Variants in ZNF395 observed in about 807,000 individuals in gnomAD.
The protein encoded by ZNF395 is HD gene regulatory region-binding protein 2.
In ZNF395, 20 loss-of-function variants were observed where a neutral mutation model predicts 57.7. The ratio of observed to expected loss-of-function variants is 0.35; its 90% CI spans 0.24 to 0.50. ZNF395 has a LOEUF of 0.50. Ranked by LOEUF, ZNF395 falls within the 20% of genes least tolerant of loss-of-function variation. The probability of loss-of-function intolerance (pLI) is 0.97; values close to 1 mark genes in which losing one functional copy is unlikely to be tolerated. For missense variants in ZNF395, 606 were observed against 671.2 expected (o/e 0.90, Z 1.07); for synonymous variants, 295 against 275.9 (o/e 1.07, Z -0.69).
Position 28,360,981 on chromosome 8 carries a change from G to A in ZNF395, c.144C>T (p.Thr48=). ...GCTCCTGGCAGGGGGTGTCATCAGA[G>A]GTGGTGAAAGGCTGGGGAGCGGCCC... ...LEGAAPQPFT[T]SDDTPCQEQP... The change falls in exon 2 of 10, where the codon ACC becomes ACT. Residue 48 remains threonine (T), a synonymous_variant. Transcript: ENST00000344423. The A allele has an allele frequency of 6.8e-6, 11 of 1,612,990 alleles. No homozygotes were observed. The highest frequency in any genetic ancestry group is 9.3e-6 in the Non-Finnish European group (11 of 1,179,436).
In ZNF395 at chr8:28,356,358, T is replaced by C. The variant is rs1801779072; in HGVS notation, c.583+312A>G. 6.6e-6 allele frequency among the ~76,000 whole-genome samples: 1 copy of C among 152,212 alleles called. No homozygotes were observed. Among genetic ancestry groups the C allele is most frequent in the African/African-American group, 2.4e-5 (1 of 41,432 alleles). On this transcript the variant is annotated intron_variant, in intron 4 of 9. Transcript: ENST00000344423. This position sits in a 1 kb window ranked among gnomAD's most constrained non-coding sequence, Gnocchi z 4.0. ...ACTAAATATTCCTCTATTGGCCTCA[T>C]TCAGACCCCACCAAAGTGCTGGGCT...
At position 28,359,500 on chromosome 8, in the gene ZNF395, A is replaced by G. The variant is rs1181015144; in HGVS notation, c.473+92T>C. On this transcript the variant is annotated intron_variant, in intron 3 of 9. Coordinates refer to ENST00000344423, the MANE Select transcript of ZNF395 (RefSeq NM_018660.3). This position sits in a 1 kb window ranked among gnomAD's most constrained non-coding sequence, Gnocchi z 4.7. ...ATCTTGGCACCCAGATGCCAATGACACCACATTTCTTCCCCACCACAACAC... is the reference window on the plus strand; with the variant it reads ...ATCTTGGCACCCAGATGCCAATGACGCCACATTTCTTCCCCACCACAACAC... The G allele has an allele frequency of 6.8e-7, 1 of 1,465,728 alleles. No homozygotes were observed. Among genetic ancestry groups the G allele is most frequent in the African/African-American group, 1.4e-5 (1 of 70,592 alleles). 90.8% of individuals were successfully genotyped at this position (1,465,728 alleles called of 1,614,324 possible).
intron 1 of ZNF395, among the ~76,000 whole-genome samples, chr8:28,371,807 G>T (rs1801979834): frequency 6.6e-6 from 1 of 152,190 alleles, no homozygotes; most frequent in South Asian, 2.1e-4. Context: ...CCAGCACTTT[G>T]GGAGGCCAAG....
chr8:28,376,027 G>A (rs189664099), intron 1 of ZNF395, among the ~76,000 whole-genome samples: 9 of 152,272 alleles, frequency 5.9e-5, no homozygotes, highest in Admixed American at 5.9e-4. Context: ...AGGCTGGAGT[G>A]AAGTGGCACC....
At chr8:28,377,360 C>G (rs559768440) in intron 1 of ZNF395, among the ~76,000 whole-genome samples, 1 of 152,116 alleles carries the variant, frequency 6.6e-6, no homozygotes, top group Admixed American at 6.5e-5. Context: ...ACCATGATTG[C>G]GCCACTGCAT....
chr8:28,382,258 T>G (rs1483250014), intron 1 of ZNF395, among the ~76,000 whole-genome samples: 1 of 152,112 alleles, frequency 6.6e-6, no homozygotes, highest in Non-Finnish European at 1.5e-5. Flanking sequence ...CAGAGATTTT[T>G]CTGTATTTTT....
In ZNF395 at chr8:28,359,629, A is replaced by T. The variant is rs368610063; in HGVS notation, c.436T>A (p.Tyr146Asn). ...PLEPGAQALA[Y>N]RPVSRNIDVP... ...TCGATGTTCCTGGAGACGGGCCTGT[A>T]GGCCAGGGCCTGGGCTCCGGGCTCC... The change falls in exon 3 of 10, where the codon TAC becomes AAC. Residue 146 changes from tyrosine to asparagine, a missense_variant. Coordinates refer to ENST00000344423, the MANE Select transcript of ZNF395 (RefSeq NM_018660.3). The surrounding 1 kb of genome is among the most constrained non-coding windows in gnomAD (Gnocchi z 4.7). The T allele has an allele frequency of 2.5e-6, 4 of 1,610,448 alleles. No individual in the cohort carries two copies. The highest frequency in any genetic ancestry group is 3.4e-6 in the Non-Finnish European group (4 of 1,177,556).
rs781409083 is a variant in ZNF395, at chr8:28,360,886, T to C, written c.239A>G (p.Lys80Arg). 1.2e-6 allele frequency: 2 copies of C among 1,613,620 alleles called. No homozygotes were observed. The highest frequency in any genetic ancestry group is 1.7e-6 in the Non-Finnish European group (2 of 1,179,902). ...LQQVAFQPGQKVYVWYGGQEC... is the reference protein window; with the variant it reads ...LQQVAFQPGQRVYVWYGGQEC... ...CTGTCCATGTTGGGATCAACCTACC[T>C]TCTGCCCAGGCTGAAAGGCCACCTG... The change falls in exon 2 of 10, where the codon AAG becomes AGG. Residue 80 changes from lysine (K) to arginine (R), a missense_variant and splice_region_variant. Physicochemically the swap from Lys to Arg is conservative, Grantham distance 26 (BLOSUM62 2). Around this residue, in one of 3 missense-constraint regions of ZNF395, gnomAD observed 309 missense variants for 374.7 expected, o/e 0.82. Transcript: ENST00000344423.
chr8:28,384,695 GT>G (rs1225069998), intron 1 of ZNF395, among the ~76,000 whole-genome samples: 1 of 152,082 alleles, frequency 6.6e-6, no homozygotes, highest in Non-Finnish European at 1.5e-5. Context: ...CTACGGGTGA[GT>G]TACTCTCCAC....
chr8:28,356,582 T>C lies in ZNF395; in HGVS notation c.583+88A>G. 1.1e-6 allele frequency: 1 copy of C among 923,836 alleles called. No homozygotes were observed. The highest frequency in any genetic ancestry group is 2.7e-5 in the East Asian group (1 of 37,114). 57.2% of individuals were successfully genotyped at this position (923,836 alleles called of 1,614,324 possible). ...CCTGGACATTCTATTGCCAGGCTGGTGACATAGGCAACTAGCTGCTCTGCA... is the reference window on the plus strand; with the variant it reads ...CCTGGACATTCTATTGCCAGGCTGGCGACATAGGCAACTAGCTGCTCTGCA... On this transcript the variant is annotated intron_variant, in intron 4 of 9. Transcript: ENST00000344423. This position sits in a 1 kb window ranked among gnomAD's most constrained non-coding sequence, Gnocchi z 4.0.
intron 1 of ZNF395, among the ~76,000 whole-genome samples, chr8:28,379,812 A>G (rs1452332658): frequency 6.6e-6 from 1 of 151,426 alleles, no homozygotes; most frequent in Non-Finnish European, 1.5e-5. Flanking sequence ...GAATACATAC[A>G]CAACTAGAAA....
At chr8:28,364,857 C>G (rs747806277) in intron 1 of ZNF395, among the ~76,000 whole-genome samples, 1 of 152,184 alleles carries the variant, frequency 6.6e-6, no homozygotes, top group Non-Finnish European at 1.5e-5. Context: ...CTCTTCTCCA[C>G]TTGGATCTTG....
At chr8:28,377,845 T>A (rs1414988093) in intron 1 of ZNF395, among the ~76,000 whole-genome samples, 1 of 149,056 alleles carries the variant, frequency 6.7e-6, no homozygotes, top group Non-Finnish European at 1.5e-5. Flanking sequence ...GCAACCTTTG[T>A]CTCCTGGGTT....
chr8:28,355,929 A>C (rs1048328434), intron 4 of ZNF395, among the ~76,000 whole-genome samples: 3 of 152,026 alleles, frequency 2.0e-5, no homozygotes, highest in Non-Finnish European at 4.4e-5. Flanking sequence ...TTTTCCTGTA[A>C]GTTTATAAGT....
Position 28,348,659 on chromosome 8 carries a change from C to A in ZNF395, c.*60G>T, listed in dbSNP as rs1052735073. Reference sequence around the variant, plus strand: ...GTTTCTGCTGAGGGCTGGTGACACACTGGCCTCTTGTCAGTGGCTGCCGGC... The same window carrying A: ...GTTTCTGCTGAGGGCTGGTGACACAATGGCCTCTTGTCAGTGGCTGCCGGC... On this transcript the variant is annotated 3_prime_UTR_variant, in exon 10 of 10. Transcript: ENST00000344423. The A allele has an allele frequency of 2.7e-6, 4 of 1,470,720 alleles. No homozygotes were observed. The highest frequency in any genetic ancestry group is 3.8e-6 in the Non-Finnish European group (4 of 1,049,742). 91.1% of individuals were successfully genotyped at this position (1,470,720 alleles called of 1,614,324 possible).
At position 28,356,217 on chromosome 8, in the gene ZNF395, C is replaced by T. The variant is rs770918016; in HGVS notation, c.583+453G>A. On this transcript the variant is annotated intron_variant, in intron 4 of 9. Transcript: ENST00000344423. The surrounding 1 kb of genome is among the most constrained non-coding windows in gnomAD (Gnocchi z 4.0). ...ACTTTAGAATTTAGCTCATTTATTC[C>T]GGGTCCTTGTCCCATAGGCCCACAC... Among the ~76,000 whole-genome samples, 10 of 152,142 alleles carry T rather than the reference C, an allele frequency of 6.6e-5. No individual in the cohort carries two copies. Among genetic ancestry groups the T allele is most frequent in the Non-Finnish European group, 1.2e-4 (8 of 68,028 alleles).
Position 28,353,329 on chromosome 8 carries a change from C to G in ZNF395, c.663G>C (p.Trp221Cys), listed in dbSNP as rs1426057925. ...DSGSSTTSGH[W>C]SGSSGVSTPS... ...GGGTGGAGACACCACTGCTCCCACTCCAGTGACCGCTGGTAGTGCTGCTGC... is the reference window on the plus strand; with the variant it reads ...GGGTGGAGACACCACTGCTCCCACTGCAGTGACCGCTGGTAGTGCTGCTGC... Residue 221 changes from tryptophan to cysteine, a missense_variant, in exon 5 of 10, where the codon TGG (tryptophan) becomes TGC (cysteine). This residue lies in a region of ZNF395 where 309 missense variants were observed against 374.7 expected (regional missense o/e 0.82). Coordinates refer to ENST00000344423, the MANE Select transcript of ZNF395 (RefSeq NM_018660.3). 1 of 1,606,662 alleles carries G rather than the reference C, an allele frequency of 6.2e-7. No individual in the cohort carries two copies. Among genetic ancestry groups the G allele is most frequent in the East Asian group, 2.2e-5 (1 of 44,704 alleles).
At chr8:28,382,970 T>C (rs1271007672) in intron 1 of ZNF395, among the ~76,000 whole-genome samples, 2 of 152,260 alleles carry the variant, frequency 1.3e-5, no homozygotes, top group Admixed American at 6.5e-5. Context: ...CATGATTGTA[T>C]GTACTAGGTC....
rs1339513526 is a variant in ZNF395 at position 28,360,813 on chromosome 8, C to T, written c.240+72G>A. The T allele has an allele frequency of 2.6e-6, 4 of 1,567,410 alleles. No homozygotes were observed. The African/African-American group carries it at 4.1e-5, about 16-fold the overall frequency. On this transcript the variant is annotated intron_variant, in intron 2 of 9. Transcript: ENST00000344423. ...GGTGCCCAGAGAGTTTCCGGCCTGT[C>T]ACTAGGGCACCCCAGCCCCCTACCC...
Sources: allele counts gnomAD v4.1 joint callset (sites outside exome capture counted in the v4.1 genomes callset), GRCh38; gene constraint gnomAD v4.1.1; regional missense constraint gnomAD v4.1.1; non-coding constraint Gnocchi (gnomAD v3.1); transcripts MANE v1.5; gene names NCBI Gene and HGNC (gene_info 2026-07-23, HGNC 2026-07-21).